NAALADL2: variants seen among roughly 807,000 people sequenced by gnomAD.
The protein encoded by NAALADL2 is inactive N-acetylated-alpha-linked acidic dipeptidase-like protein 2.
Under a neutral mutation model 87.2 loss-of-function variants are expected in NAALADL2, and 76 were observed. The ratio of observed to expected loss-of-function variants is 0.87; its 90% CI spans 0.72 to 1.05. The LOEUF (loss-of-function observed/expected upper bound fraction) is 1.05. Ranked by LOEUF, NAALADL2 falls within the 50% of genes least tolerant of loss-of-function variation. The pLI, the probability that NAALADL2 is intolerant of heterozygous loss-of-function variation, is 0.00. For missense variants in NAALADL2, 1,089 were observed against 945.8 expected (o/e 1.15, Z -1.99); for synonymous variants, 354 against 331.0 (o/e 1.07, Z -0.75).
At chr3:175,425,921 C>T (rs1716698961) in intron 5 of NAALADL2, among the ~76,000 whole-genome samples, 2 of 152,066 alleles carry the variant, frequency 1.3e-5, no homozygotes. Context: ...GTGATAAATA[C>T]TGAGAAAGAT....
chr3:175,550,989 G>C (rs1170997116), intron 9 of NAALADL2, among the ~76,000 whole-genome samples: 1 of 152,180 alleles, frequency 6.6e-6, no homozygotes. Flanking sequence ...TTGTGGTAGA[G>C]TTGGGCATAA....
At chr3:175,062,604 T>A (rs2109089915) in intron 1 of NAALADL2, among the ~76,000 whole-genome samples, 1 of 152,144 alleles carries the variant, frequency 6.6e-6, no homozygotes, top group Non-Finnish European at 1.5e-5. Flanking sequence ...ATCATAGAAC[T>A]ATAAATGCTC....
At chr3:175,298,164 T>A (rs1756610238) in intron 4 of NAALADL2, among the ~76,000 whole-genome samples, 1 of 152,192 alleles carries the variant, frequency 6.6e-6, no homozygotes. Flanking sequence ...TCATATTCTC[T>A]TCTTGGGCTT....
intron 2 of NAALADL2, among the ~76,000 whole-genome samples, chr3:174,725,390 G>A (rs1353463299): frequency 6.6e-6 from 1 of 152,092 alleles, no homozygotes; most frequent in African/African-American, 2.4e-5. Flanking sequence ...ACCTAGTACT[G>A]CTTCATATTT....
chr3:175,333,830 T>C (rs1252015705), intron 5 of NAALADL2, among the ~76,000 whole-genome samples: 1 of 152,176 alleles, frequency 6.6e-6, no homozygotes, highest in Non-Finnish European at 1.5e-5. Flanking sequence ...AAAAGAGGAC[T>C]TGAAATGTTC....
At chr3:175,738,748 T>C (rs966318192) in intron 12 of NAALADL2, among the ~76,000 whole-genome samples, 1 of 152,172 alleles carries the variant, frequency 6.6e-6, no homozygotes, top group East Asian at 1.9e-4. Context: ...AGTTAGTCTC[T>C]ATATAGTTTC....
At chr3:174,766,546 C>T (rs1713828066) in intron 3 of NAALADL2, among the ~76,000 whole-genome samples, 1 of 152,098 alleles carries the variant, frequency 6.6e-6, no homozygotes, top group Admixed American at 6.6e-5. Context: ...CAAAGGGCAC[C>T]TTCTTCAAAA....
Position 175,561,441 on chromosome 3 carries a change from G to T in NAALADL2, c.1654-14600G>T, listed in dbSNP as rs190429552. Among the ~76,000 whole-genome samples, 104 of 152,056 alleles carry T rather than the reference G, an allele frequency of 6.8e-4. 1 individual carries two copies. The highest frequency in any genetic ancestry group is 2.5e-3 in the African/African-American group (102 of 41,482). On this transcript the variant is annotated intron_variant, in intron 9 of 13. Transcript: ENST00000454872. ...TTTTTATTGAAACTAATTTTTTTTA[G>T]TGGATTCAGTTTCCAAAACCCAAAA...
chr3:175,732,260 C>T (rs1210842507), intron 11 of NAALADL2, among the ~76,000 whole-genome samples: 1 of 152,056 alleles, frequency 6.6e-6, no homozygotes, highest in African/African-American at 2.4e-5. Context: ...ATTTCATGTG[C>T]ATGATGGGGG....
At chr3:175,114,693 G>A (rs949757705) in intron 2 of NAALADL2, among the ~76,000 whole-genome samples, 7 of 151,588 alleles carry the variant, frequency 4.6e-5, no homozygotes, top group Admixed American at 4.6e-4. Context: ...AAACCTTTTA[G>A]CCATGGTTCA....
intron 1 of NAALADL2, among the ~76,000 whole-genome samples, chr3:174,954,381 T>C (rs1740864206): frequency 6.6e-6 from 1 of 152,146 alleles, no homozygotes; most frequent in Admixed American, 6.6e-5. Flanking sequence ...CTGTACTGCA[T>C]TGAGGGTGCA....
intron 2 of NAALADL2, among the ~76,000 whole-genome samples, chr3:175,130,991 T>G (rs1372578400): frequency 6.6e-6 from 1 of 152,220 alleles, no homozygotes; most frequent in Non-Finnish European, 1.5e-5. Context: ...TCAATGACTT[T>G]GGGTAGTATG....
intron 1 of NAALADL2, among the ~76,000 whole-genome samples, chr3:174,865,125 GA>G: frequency 6.6e-6 from 1 of 151,966 alleles, no homozygotes; most frequent in Non-Finnish European, 1.5e-5. Flanking sequence ...AATTTATATT[GA>G]AAAGTAATTT....
intron 1 of NAALADL2, among the ~76,000 whole-genome samples, chr3:175,000,074 A>G (rs766552014): frequency 1.3e-5 from 2 of 152,178 alleles, no homozygotes; most frequent in South Asian, 2.1e-4. Flanking sequence ...TCTGCCTTAA[A>G]TCTAAAATAT....
intron 1 of NAALADL2, among the ~76,000 whole-genome samples, chr3:175,015,694 A>C (rs1398924137): frequency 6.6e-6 from 1 of 152,104 alleles, no homozygotes; most frequent in Non-Finnish European, 1.5e-5. Flanking sequence ...CTTAGATCTA[A>C]ATTTTCTAAC....
intron 1 of NAALADL2, among the ~76,000 whole-genome samples, chr3:174,533,839 G>A (rs1191050965): frequency 6.6e-6 from 1 of 152,062 alleles, no homozygotes; most frequent in East Asian, 1.9e-4. Flanking sequence ...GGACATTTCA[G>A]AAACAAAACT....
chr3:175,441,252 A>G (rs1374351997), intron 5 of NAALADL2, among the ~76,000 whole-genome samples: 6 of 152,142 alleles, frequency 3.9e-5, no homozygotes, highest in Admixed American at 2.6e-4. Context: ...GATGAGTACT[A>G]TGTTGAATTC....
chr3:174,939,465 C>T (rs566351155), intron 1 of NAALADL2, among the ~76,000 whole-genome samples: 79 of 151,936 alleles, frequency 5.2e-4, no homozygotes, highest in Admixed American at 3.7e-3. Context: ...TTTCTTTTTA[C>T]GTAACATTAC....
At chr3:175,399,239 G>T (rs534888090) in intron 5 of NAALADL2, among the ~76,000 whole-genome samples, 1 of 151,988 alleles carries the variant, frequency 6.6e-6, no homozygotes, top group Non-Finnish European at 1.5e-5. Flanking sequence ...GAATGCCTTT[G>T]TTCTCAAGTT....
Sources: allele counts gnomAD v4.1 joint callset (sites outside exome capture counted in the v4.1 genomes callset), GRCh38; gene constraint gnomAD v4.1.1; transcripts MANE v1.5; gene names NCBI Gene and HGNC (gene_info 2026-07-23, HGNC 2026-07-21).